AFF1: variants seen among roughly 807,000 people sequenced by gnomAD.
The protein encoded by AFF1 is ALF transcription elongation factor 1.
A neutral mutation model predicts 121.7 loss-of-function variants in AFF1; 48 were observed. The ratio of observed to expected loss-of-function variants is 0.39; its 90% confidence interval spans 0.31 to 0.50. The LOEUF is 0.50. Ranked by LOEUF, AFF1 falls within the 20% of genes least tolerant of loss-of-function variation. The pLI is 0.76. For synonymous variants in AFF1, 613 were observed against 563.0 expected (o/e 1.09, Z -1.26); for missense variants, 1,523 against 1,511.7 (o/e 1.01, Z -0.12).
At chr4:86,967,943 C>T (rs1451832237) in intron 2 of AFF1, among the ~76,000 whole-genome samples, 1 of 152,094 alleles carries the variant, frequency 6.6e-6, no homozygotes, top group East Asian at 1.9e-4. Context: ...TGAGATTTCC[C>T]AACAGATGAG....
intron 2 of AFF1, chr4:86,949,677 A>C (rs914656566): frequency 1.2e-5 from 19 of 1,565,070 alleles, no homozygotes; most frequent in Non-Finnish European, 1.6e-5. Context: ...CAGAGCAGGA[A>C]GGGGATGATG....
chr4:87,122,790 CAAG>C (rs1488986507), intron 12 of AFF1, among the ~76,000 whole-genome samples: 1 of 137,108 alleles, frequency 7.3e-6, no homozygotes, highest in Non-Finnish European at 1.5e-5. Flanking sequence ...ACTGTGCTGT[CAAG>C]TAGAAATAGA....
intron 2 of AFF1, among the ~76,000 whole-genome samples, chr4:87,036,439 A>G (rs906887682): frequency 1.3e-5 from 2 of 152,122 alleles, no homozygotes; most frequent in African/African-American, 2.4e-5. Flanking sequence ...ATTGTTCTAT[A>G]TACGTGCTGG....
At chr4:87,110,440 T>TG (rs1726359718) in intron 11 of AFF1, among the ~76,000 whole-genome samples, 1 of 109,714 alleles carries the variant, frequency 9.1e-6, no homozygotes, top group African/African-American at 3.1e-5. Flanking sequence ...TTGTTCTGGT[T>TG]TTTTTGTTTT....
chr4:87,012,741 T>G lies in AFF1; in HGVS notation c.39-33425T>G, dbSNP rs1363374634. Among the ~76,000 whole-genome samples the G allele has an allele frequency of 2.0e-5, 3 of 152,330 alleles. No homozygotes were observed. The East Asian group carries it at 5.8e-4, about 29-fold the overall frequency. ...TAGATTTACACTTCAGGAGAAAATATGTATAACTTTTGGTGCTAATGCCCC... is the reference window on the plus strand; with the variant it reads ...TAGATTTACACTTCAGGAGAAAATAGGTATAACTTTTGGTGCTAATGCCCC... On this transcript the variant is annotated intron_variant, in intron 2 of 20. Transcript: ENST00000395146.
chr4:86,994,691 A>T (rs1212724174), intron 2 of AFF1, among the ~76,000 whole-genome samples: 1 of 152,200 alleles, frequency 6.6e-6, no homozygotes, highest in African/African-American at 2.4e-5. Flanking sequence ...GTGAAGGATA[A>T]GCTATCAGAG....
chr4:86,997,169 C>T (rs951510157), intron 2 of AFF1, among the ~76,000 whole-genome samples: 2 of 152,158 alleles, frequency 1.3e-5, no homozygotes, highest in African/African-American at 4.8e-5. Context: ...GCCTTGGCCC[C>T]CCAAAGTGCT....
rs141546429 is a variant in AFF1 at position 87,043,655 on chromosome 4, C to T, written c.39-2511C>T. 4.6e-3 allele frequency among the ~76,000 whole-genome samples: 704 copies of T among 152,298 alleles called. 6 individuals are homozygous for T. Among genetic ancestry groups the T allele is most frequent in the African/African-American group, 0.016 (669 of 41,558 alleles). ...TCAGACTTCATTACAGAAGATTACA[C>T]GACCAGTTTCTGGTTCAGCAGCTTC... On this transcript the variant is annotated intron_variant, in intron 2 of 20. Transcript: ENST00000395146.
intron 2 of AFF1, among the ~76,000 whole-genome samples, chr4:87,033,014 A>G (rs79998318): frequency 0.21 from 31,858 of 152,000 alleles, 3,505 homozygotes; most frequent in East Asian, 0.32. Context: ...GCTGGGCATG[A>G]TGGTGCATGC....
chr4:87,007,115 C>A (rs1341570853), intron 2 of AFF1: 10 of 1,269,726 alleles, frequency 7.9e-6, no homozygotes, highest in Non-Finnish European at 9.9e-6. Context: ...CGGGGGCGCT[C>A]GCTTGCCCCG....
Position 87,137,374 on chromosome 4 carries a change from T to G in AFF1, c.*1673T>G, listed in dbSNP as rs896757959. 1 of 229,522 alleles carries G rather than the reference T, an allele frequency of 4.4e-6. No homozygotes were observed. The highest frequency in any genetic ancestry group is 2.2e-5 in the African/African-American group (1 of 45,128). The allele number at this position is 229,522 out of a possible 1,614,324, so 14.2% of individuals were successfully genotyped here. ...GAATGCAGGAACTCTCTTGGTAGTT[T>G]GTAAATACACAAAGGGATGTGTCGA... On this transcript the variant is annotated 3_prime_UTR_variant, in exon 21 of 21. Coordinates refer to ENST00000395146, the MANE Select transcript of AFF1 (RefSeq NM_001166693.3).
At chr4:87,025,206 G>A (rs1728404841) in intron 2 of AFF1, among the ~76,000 whole-genome samples, 1 of 152,210 alleles carries the variant, frequency 6.6e-6, no homozygotes. Flanking sequence ...TCCTTTGCCA[G>A]CACTTGGACT....
intron 4 of AFF1, 22 bp from the exon 5 acceptor site, chr4:87,084,098 A>AT (rs756431164): frequency 6.2e-7 from 1 of 1,613,364 alleles, no homozygotes. Flanking sequence ...CTAACCTTTT[A>AT]TTTTTTGCTT....
At chr4:87,073,502 G>A (rs193185991) in intron 4 of AFF1, among the ~76,000 whole-genome samples, 2 of 151,182 alleles carry the variant, frequency 1.3e-5, no homozygotes, top group Non-Finnish European at 2.9e-5. Flanking sequence ...TTTTTCCCCC[G>A]TTTTTTTTGT....
chr4:87,105,002 C>A (rs1464282420), intron 8 of AFF1, among the ~76,000 whole-genome samples: 1 of 152,152 alleles, frequency 6.6e-6, no homozygotes, highest in Non-Finnish European at 1.5e-5. Flanking sequence ...AAATAAAGCT[C>A]ACTATTAATA....
intron 2 of AFF1, among the ~76,000 whole-genome samples, chr4:87,029,603 C>T (rs1417339700): frequency 6.6e-6 from 1 of 152,150 alleles, no homozygotes; most frequent in Admixed American, 6.5e-5. Flanking sequence ...GGATGGACTC[C>T]CTGTGCCTTG....
chr4:86,987,078 C>T (rs1724346491), intron 2 of AFF1, among the ~76,000 whole-genome samples: 1 of 152,102 alleles, frequency 6.6e-6, no homozygotes, highest in African/African-American at 2.4e-5. Flanking sequence ...CTGCTGGCAT[C>T]AGGTGATTCT....
chr4:87,055,072 G>T (rs1719969730), intron 4 of AFF1, among the ~76,000 whole-genome samples: 1 of 152,034 alleles, frequency 6.6e-6, no homozygotes, highest in Admixed American at 6.6e-5. Context: ...TGAACTCCTG[G>T]GTCCAAGCAG....
chr4:87,116,581 G>A (rs1033083033), intron 12 of AFF1, among the ~76,000 whole-genome samples: 1 of 152,212 alleles, frequency 6.6e-6, no homozygotes, highest in Non-Finnish European at 1.5e-5. Context: ...GAAGCCTGCT[G>A]TCATGTCTGA....
Sources: allele counts gnomAD v4.1 joint callset (sites outside exome capture counted in the v4.1 genomes callset), GRCh38; gene constraint gnomAD v4.1.1; transcripts MANE v1.5; gene names NCBI Gene and HGNC (gene_info 2026-07-23, HGNC 2026-07-21).